The following NUAK1 variants were observed in gnomAD, a reference collection of about 807,000 sequenced individuals.
NUAK1 encodes the protein NUAK family kinase 1, also known as NUAK family SNF1-like kinase 1.
In NUAK1, 26 loss-of-function variants were observed where a neutral mutation model predicts 56.9. The observed-to-expected ratio is 0.46, with a 90% CI of 0.33 to 0.63. NUAK1 has a LOEUF of 0.63. Ranked by LOEUF, NUAK1 falls within the 30% of genes least tolerant of loss-of-function variation. The pLI is 0.02. For synonymous variants in NUAK1, 337 were observed against 336.0 expected (o/e 1.00, Z -0.03); for missense variants, 727 against 876.1 (o/e 0.83, Z 2.15).
At chr12:106,090,614 C>G (rs1050566591) in intron 2 of NUAK1, among the ~76,000 whole-genome samples, 4 of 152,248 alleles carry the variant, frequency 2.6e-5, no homozygotes, top group African/African-American at 7.2e-5. Flanking sequence ...ACTGCTACCC[C>G]CAAGCTCTCA....
chr12:106,120,642 C>T (rs965709368), intron 1 of NUAK1, among the ~76,000 whole-genome samples: 1 of 152,094 alleles, frequency 6.6e-6, no homozygotes, highest in Non-Finnish European at 1.5e-5. Flanking sequence ...GAATTGATTT[C>T]GCAGGATGGA....
At chr12:106,125,947 T>A (rs984223913) in intron 1 of NUAK1, among the ~76,000 whole-genome samples, 1 of 151,420 alleles carries the variant, frequency 6.6e-6, no homozygotes, top group Non-Finnish European at 1.5e-5. Flanking sequence ...GAAGAAAGAG[T>A]TCACTATCAA....
chr12:106,124,528 A>G (rs1252968555), intron 1 of NUAK1, among the ~76,000 whole-genome samples: 2 of 152,220 alleles, frequency 1.3e-5, no homozygotes, highest in Non-Finnish European at 2.9e-5. Flanking sequence ...GAAGGCAAAC[A>G]GAAGAGAATT....
At chr12:106,112,870 G>A (rs12317084) in intron 1 of NUAK1, among the ~76,000 whole-genome samples, 1 of 152,042 alleles carries the variant, frequency 6.6e-6, no homozygotes, top group Non-Finnish European at 1.5e-5. Flanking sequence ...GCCCTTTAAT[G>A]TTGTAAGAGG....
chr12:106,101,808 T>C (rs2032751840), intron 2 of NUAK1, among the ~76,000 whole-genome samples: 1 of 152,134 alleles, frequency 6.6e-6, no homozygotes, highest in Non-Finnish European at 1.5e-5. Flanking sequence ...GGAGACCAGA[T>C]GTGGGAGGCC....
chr12:106,092,630 T>C (rs564895116), intron 2 of NUAK1, among the ~76,000 whole-genome samples: 5 of 152,346 alleles, frequency 3.3e-5, no homozygotes, highest in Admixed American at 3.3e-4. Context: ...ATTATGTGAA[T>C]GTATCGTGTG....
intron 1 of NUAK1, among the ~76,000 whole-genome samples, chr12:106,117,345 C>T (rs978658054): frequency 2.0e-5 from 3 of 152,222 alleles, no homozygotes; most frequent in Non-Finnish European, 4.4e-5. Flanking sequence ...CCATGCATGG[C>T]TCCCCCATTT....
chr12:106,134,187 T>G (rs1163629280), intron 1 of NUAK1, among the ~76,000 whole-genome samples: 1 of 152,174 alleles, frequency 6.6e-6, no homozygotes, highest in Non-Finnish European at 1.5e-5. Flanking sequence ...AGATGACAAG[T>G]TTGAACCACA....
In NUAK1 at chr12:106,064,125, C is replaced by T. The variant is rs1592845263; in HGVS notation, c.*2677G>A. The T allele has an allele frequency of 6.5e-6, 1 of 152,674 alleles. No individual in the cohort carries two copies. The highest frequency in any genetic ancestry group is 1.9e-4 in the East Asian group (1 of 5,206). The allele number at this position is 152,674 out of a possible 1,614,324, so 9.5% of individuals were successfully genotyped here. A position where few individuals can be genotyped will look rare whatever the true frequency, so the allele number is the denominator to read the frequency against. On this transcript the variant is annotated 3_prime_UTR_variant, in exon 7 of 7. Transcript: ENST00000261402. ...TGTCCATCAGGTCCTAAAAGTGTCT[C>T]TCACTTGTAATTCCACAGAAGTGAA...
intron 1 of NUAK1, among the ~76,000 whole-genome samples, chr12:106,122,625 G>T (rs965596446): frequency 6.6e-6 from 1 of 152,204 alleles, no homozygotes; most frequent in Non-Finnish European, 1.5e-5. Flanking sequence ...GTATAGACGA[G>T]AGAAAATGGT....
At chr12:106,120,935 T>C (rs545481628) in intron 1 of NUAK1, among the ~76,000 whole-genome samples, 1 of 152,328 alleles carries the variant, frequency 6.6e-6, no homozygotes, top group South Asian at 2.1e-4. Flanking sequence ...CTCTAGCCAG[T>C]GGCTCTCAGC....
At position 106,067,526 on chromosome 12, in the gene NUAK1, A is replaced by C; in HGVS notation, c.1262T>G (p.Val421Gly). The C allele has an allele frequency of 8.7e-6, 14 of 1,614,186 alleles. No homozygotes were observed. The highest frequency in any genetic ancestry group is 1.2e-5 in the Non-Finnish European group (14 of 1,180,024). The change falls in exon 7 of 7, where the codon GTT (valine) becomes GGT (glycine). Residue 421 changes from valine (V) to glycine (G), a missense_variant. Coordinates refer to ENST00000261402, the MANE Select transcript of NUAK1 (RefSeq NM_014840.3). This position sits in a 1 kb window ranked among gnomAD's most constrained non-coding sequence, Gnocchi z 6.0. ...GAAAGTAGAGGGTAAGGCAGGACCA[A>C]CTACACCTTCAATGAAGCCAGTGCT... is the stretch of plus-strand genomic sequence containing the variant. ...SHSTGFIEGVVGPALPSTFKM... is the reference protein window; with the variant it reads ...SHSTGFIEGVGGPALPSTFKM...
At chr12:106,132,220 T>C (rs1383629716) in intron 1 of NUAK1, among the ~76,000 whole-genome samples, 2 of 152,242 alleles carry the variant, frequency 1.3e-5, no homozygotes, top group South Asian at 2.1e-4. Flanking sequence ...CTCTGTAACC[T>C]GCCATTCATT....
At chr12:106,093,825 G>T (rs1297502643) in intron 2 of NUAK1, among the ~76,000 whole-genome samples, 6 of 152,182 alleles carry the variant, frequency 3.9e-5, no homozygotes, top group African/African-American at 1.2e-4. Context: ...TTGAGACAGG[G>T]TCTTGCTCTG....
chr12:106,128,128 CTTTTTCT>C (rs2033041885), intron 1 of NUAK1, among the ~76,000 whole-genome samples: 1 of 136,220 alleles, frequency 7.3e-6, no homozygotes, highest in Non-Finnish European at 1.6e-5. Context: ...TCTCTCTTTT[CTTTTTCT>C]TTTTTTTTTT....
At position 106,106,461 on chromosome 12, in the gene NUAK1, C is replaced by T. The variant is rs781345878; in HGVS notation, c.305G>A (p.Arg102Gln). Residue 102 changes from arginine to glutamine, a missense_variant, in exon 2 of 7, where the codon CGA becomes CAA. Transcript: ENST00000261402. The part of the protein sequence containing the change: ...KDEQDMVHIR[R>Q]EIEIMSSLNH... ...GAGAGATGACATGATCTCAATCTCT[C>T]GTCTGATGTGAACCATGTCTTGTTC... The T allele has an allele frequency of 2.5e-6, 4 of 1,612,390 alleles. No homozygotes were observed. Among genetic ancestry groups the T allele is most frequent in the Admixed American group, 1.7e-5 (1 of 59,984 alleles).
Position 106,067,512 on chromosome 12 carries a change from G to T in NUAK1, c.1276C>A (p.Pro426Thr), listed in dbSNP as rs760814933. The stretch of plus-strand genomic sequence containing the variant: ...TCCTGCTCCATCTTGAAAGTAGAGG[G>T]TAAGGCAGGACCAACTACACCTTCA... ...FIEGVVGPAL[P>T]STFKMEQDLC... The change falls in exon 7 of 7, where the codon CCC (proline) becomes ACC (threonine). Residue 426 changes from proline (P) to threonine (T), a missense_variant. Physicochemically the swap from Pro to Thr is conservative, Grantham distance 38. Coordinates refer to ENST00000261402, the MANE Select transcript of NUAK1 (RefSeq NM_014840.3). This position sits in a 1 kb window ranked among gnomAD's most constrained non-coding sequence, Gnocchi z 6.0. 17 of 1,614,186 alleles carry T rather than the reference G, an allele frequency of 1.1e-5. No individual in the cohort carries two copies. The highest frequency in any genetic ancestry group is 1.4e-5 in the Non-Finnish European group (17 of 1,180,040).
At chr12:106,070,952 C>G (rs2032401064) in intron 5 of NUAK1, 46 bp from the exon 6 acceptor site, 1 of 1,609,452 alleles carries the variant, frequency 6.2e-7, no homozygotes. Context: ...GAAACAGATC[C>G]CAAGATGCCT....
At position 106,067,779 on chromosome 12, in the gene NUAK1, G is replaced by A. The variant is rs1431553744; in HGVS notation, c.1009C>T (p.Arg337Cys). The A allele has an allele frequency of 6.2e-6, 10 of 1,614,034 alleles. No homozygotes were observed. Among genetic ancestry groups the A allele is most frequent in the Non-Finnish European group, 8.5e-6 (10 of 1,180,036 alleles). ...GTGTCAGCCTGCAGCCCTGTGGAAC[G>A]GTGGTGCCAGTCAATGATCCGAGCC... ...LLARIIDWHH[R>C]STGLQADTEA... The change falls in exon 7 of 7, where the codon CGT (arginine) becomes TGT (cysteine). Residue 337 changes from arginine to cysteine, a missense_variant. Coordinates refer to ENST00000261402, the MANE Select transcript of NUAK1 (RefSeq NM_014840.3). This position sits in a 1 kb window ranked among gnomAD's most constrained non-coding sequence, Gnocchi z 6.0.
Sources: gnomAD v4.1 joint callset for allele counts (sites outside exome capture counted in the v4.1 genomes callset) on GRCh38, gnomAD v4.1.1 for gene constraint, Gnocchi (gnomAD v3.1) non-coding constraint, MANE v1.5 for transcripts, NCBI Gene and HGNC (gene_info 2026-07-23, HGNC 2026-07-21) for gene names.